Variants in CABCOCO1 observed in about 807,000 individuals in gnomAD.
CABCOCO1 encodes the protein ciliary associated calcium binding coiled-coil 1.
CABCOCO1 carries 28 observed loss-of-function variants against 35.7 expected under a neutral mutation model. The observed-to-expected ratio is 0.78, with a 90% CI of 0.58 to 1.07. The LOEUF (loss-of-function observed/expected upper bound fraction) is 1.07, where lower values mean the gene tolerates loss of function less well. Among genes scored for constraint, CABCOCO1 ranks in the 50% least tolerant of loss-of-function variants. CABCOCO1 has a pLI of 0.00. For synonymous variants in CABCOCO1, 95 were observed against 100.1 expected (o/e 0.95, Z 0.30); for missense variants, 326 against 309.2 (o/e 1.05, Z -0.41).
intron 5 of CABCOCO1, among the ~76,000 whole-genome samples, chr10:61,731,109 A>G (rs1290857978): frequency 1.3e-5 from 2 of 150,734 alleles, no homozygotes; most frequent in African/African-American, 2.4e-5. Context: ...TAATTTTAAT[A>G]GCTGTTTTCT....
intron 5 of CABCOCO1, among the ~76,000 whole-genome samples, chr10:61,744,388 T>G (rs1409358498): frequency 1.3e-5 from 2 of 152,168 alleles, no homozygotes; most frequent in African/African-American, 2.4e-5. Context: ...TATTTTATAG[T>G]GAGGGCTCTA....
At chr10:61,677,994 A>G (rs1453641950) in intron 2 of CABCOCO1, among the ~76,000 whole-genome samples, 1 of 151,656 alleles carries the variant, frequency 6.6e-6, no homozygotes, top group Non-Finnish European at 1.5e-5. Flanking sequence ...AAATGTCAGA[A>G]GTATATTTTT....
intron 2 of CABCOCO1, among the ~76,000 whole-genome samples, chr10:61,677,535 G>C (rs1191568186): frequency 1.3e-5 from 2 of 151,724 alleles, no homozygotes; most frequent in Admixed American, 6.6e-5. Context: ...TCTGCAGCTT[G>C]TCTTTTCTTT....
chr10:61,687,776 A>G (rs1840011520), intron 4 of CABCOCO1, among the ~76,000 whole-genome samples: 1 of 152,204 alleles, frequency 6.6e-6, no homozygotes, highest in South Asian at 2.1e-4. Flanking sequence ...AAAATAAAAC[A>G]AAAAGTAGTA....
intron 5 of CABCOCO1, among the ~76,000 whole-genome samples, chr10:61,742,854 A>G (rs1402601116): frequency 6.6e-6 from 1 of 152,176 alleles, no homozygotes; most frequent in Non-Finnish European, 1.5e-5. Flanking sequence ...TAATTTCAGG[A>G]GAAGATAATA....
In CABCOCO1 at chr10:61,674,823, C is replaced by T. The variant is rs1387508460; in HGVS notation, c.164+2088C>T. On this transcript the variant is annotated intron_variant, in intron 2 of 7. Coordinates refer to ENST00000648843, the MANE Select transcript of CABCOCO1 (RefSeq NM_001366906.2). ...GGGTACATTTCTCATGATCACTTAG[C>T]TGCTATCAATCATAAATATTTTAAT... is the stretch of plus-strand genomic sequence containing the variant. 4.6e-5 allele frequency among the ~76,000 whole-genome samples: 7 copies of T among 152,090 alleles called. No homozygotes were observed. In the East Asian group the frequency reaches 1.3e-3, roughly 29 times the overall value.
In CABCOCO1 at chr10:61,672,675, A is replaced by G; in HGVS notation, c.104A>G (p.Asp35Gly). 1.0e-6 allele frequency: 1 copy of G among 984,602 alleles called. No homozygotes were observed. Among genetic ancestry groups the G allele is most frequent in the Non-Finnish European group, 1.2e-6 (1 of 829,206 alleles). 61.0% of individuals were successfully genotyped at this position (984,602 alleles called of 1,614,324 possible). Reference sequence around the variant, plus strand: ...GAGCATGAAAAGATTCTGTCTCCGGATTTTCTTTCAGTTGCCCAAATCACT... The same window carrying G: ...GAGCATGAAAAGATTCTGTCTCCGGGTTTTCTTTCAGTTGCCCAAATCACT... Reference protein sequence around the residue: ...FQEHEKILSPDFLSVAQITDL... With the variant: ...FQEHEKILSPGFLSVAQITDL... Residue 35 changes from aspartate (D) to glycine (G), a missense_variant, in exon 2 of 8, where the codon GAT becomes GGT. Physicochemically the swap from Asp to Gly is moderately conservative, Grantham distance 94 (BLOSUM62 -1). Transcript: ENST00000648843.
rs140343532 is a variant in CABCOCO1 at position 61,702,180 on chromosome 10, A to T, written c.552+11559A>T. 4.6e-3 allele frequency among the ~76,000 whole-genome samples: 693 copies of T among 152,272 alleles called. 7 individuals are homozygous for T. Among genetic ancestry groups the T allele is most frequent in the African/African-American group, 0.015 (639 of 41,566 alleles). On this transcript the variant is annotated intron_variant, in intron 5 of 7. Transcript: ENST00000648843. The stretch of plus-strand genomic sequence containing the variant: ...TTAGCAATATGGCTTTTGTTGAATG[A>T]TATTTTCTGAAGTTGTTTAAAGCAC...
At chr10:61,742,057 G>A (rs535269339) in intron 5 of CABCOCO1, among the ~76,000 whole-genome samples, 4 of 152,280 alleles carry the variant, frequency 2.6e-5, no homozygotes, top group Middle Eastern at 3.4e-3. Flanking sequence ...GGATAGTGGC[G>A]TGGAAGGTAG....
chr10:61,724,451 T>C (rs76781995), intron 5 of CABCOCO1, among the ~76,000 whole-genome samples: 8,592 of 151,970 alleles, frequency 0.057, 324 homozygotes, highest in Middle Eastern at 0.095. Context: ...CAATAAAGAG[T>C]TTAGAAATAG....
At chr10:61,764,791 A>G (rs74734011) in intron 7 of CABCOCO1, among the ~76,000 whole-genome samples, 1 of 152,026 alleles carries the variant, frequency 6.6e-6, no homozygotes. Flanking sequence ...GAAAAGACTG[A>G]TACTTATGTG....
intron 1 of CABCOCO1, among the ~76,000 whole-genome samples, chr10:61,668,658 CTATTT>C (rs1839263134): frequency 6.6e-6 from 1 of 151,914 alleles, no homozygotes; most frequent in Non-Finnish European, 1.5e-5. Flanking sequence ...AAATATTTGA[CTATTT>C]TATTAACTAT....
In CABCOCO1 at chr10:61,675,226, G is replaced by A. The variant is rs567419513; in HGVS notation, c.164+2491G>A. On this transcript the variant is annotated intron_variant, in intron 2 of 7. Transcript: ENST00000648843. ...CATAGCCATCTCTCCCCTCTCCCCT[G>A]TTCCAGCTCCCGTTATTCCCAGAGA... 2.6e-5 allele frequency among the ~76,000 whole-genome samples: 4 copies of A among 152,128 alleles called. No individual in the cohort carries two copies. In the East Asian group the frequency reaches 7.7e-4, roughly 29 times the overall value.
chr10:61,752,367 G>GAAAA (rs113709295), intron 5 of CABCOCO1, among the ~76,000 whole-genome samples: 23 of 145,732 alleles, frequency 1.6e-4, no homozygotes, highest in Non-Finnish European at 2.5e-4. Flanking sequence ...TATAAAAAAG[G>GAAAA]AAAAAAAAAA....
intron 7 of CABCOCO1, among the ~76,000 whole-genome samples, chr10:61,765,362 C>A (rs1405368063): frequency 6.6e-6 from 1 of 152,182 alleles, no homozygotes; most frequent in African/African-American, 2.4e-5. Context: ...TCGGCAATCA[C>A]AAAACCTGAG....
intron 5 of CABCOCO1, among the ~76,000 whole-genome samples, chr10:61,717,375 G>A (rs1365227012): frequency 2.6e-5 from 4 of 151,660 alleles, no homozygotes; most frequent in Non-Finnish European, 5.9e-5. Flanking sequence ...CAATTTTCTG[G>A]CGAATGGAAC....
chr10:61,724,031 T>C (rs1841084557), intron 5 of CABCOCO1, among the ~76,000 whole-genome samples: 1 of 152,102 alleles, frequency 6.6e-6, no homozygotes, highest in Non-Finnish European at 1.5e-5. Context: ...GTTTAAGCAA[T>C]ATAATTAGAA....
chr10:61,716,433 T>C (rs1348832298), intron 5 of CABCOCO1, among the ~76,000 whole-genome samples: 1 of 152,014 alleles, frequency 6.6e-6, no homozygotes, highest in Non-Finnish European at 1.5e-5. Context: ...CACCTTTCAA[T>C]GGGGGGAGTG....
chr10:61,691,490 GTTTTA>G (rs770155831), intron 5 of CABCOCO1, among the ~76,000 whole-genome samples: 84 of 152,086 alleles, frequency 5.5e-4, no homozygotes, highest in Non-Finnish European at 9.1e-4. Flanking sequence ...ACTTTATTTT[GTTTTA>G]TTTTATTTTT....
Sources: gnomAD v4.1 joint callset for allele counts (sites outside exome capture counted in the v4.1 genomes callset) on GRCh38, gnomAD v4.1.1 for gene constraint, MANE v1.5 for transcripts, NCBI Gene and HGNC (gene_info 2026-07-23, HGNC 2026-07-21) for gene names.